DPP6: variants seen among roughly 807,000 people sequenced by gnomAD.
DPP6 encodes the protein dipeptidyl peptidase like 6, also known as A-type potassium channel modulatory protein DPP6.
A neutral mutation model predicts 122.6 loss-of-function variants in DPP6; 69 were observed. That is an observed-to-expected ratio of 0.56 (90% CI 0.46 to 0.69). The LOEUF is 0.69. DPP6 is among the 30% of genes least tolerant of loss of function. The probability of loss-of-function intolerance (pLI) is 0.00; values close to 1 mark genes in which losing one functional copy is unlikely to be tolerated. For missense variants in DPP6, 928 were observed against 1,116.9 expected (o/e 0.83, Z 2.41); for synonymous variants, 418 against 433.1 (o/e 0.97, Z 0.43).
chr7:154,372,563 T>G (rs1191276948), intron 1 of DPP6, among the ~76,000 whole-genome samples: 1 of 152,188 alleles, frequency 6.6e-6, no homozygotes, highest in Non-Finnish European at 1.5e-5. Flanking sequence ...AGATATGAAG[T>G]CAAGATACTG....
At chr7:153,789,747 C>A in the DPP6 span, among the ~76,000 whole-genome samples, 2 of 152,148 alleles carry the variant, frequency 1.3e-5, no homozygotes, top group Non-Finnish European at 2.9e-5. Context: ...GGAACTGGGA[C>A]TTTTACCACT....
rs577874845 is a variant in DPP6 at position 154,821,512 on chromosome 7, C to T, written c.1666+14400C>T. 7.8e-4 allele frequency among the ~76,000 whole-genome samples: 118 copies of T among 151,732 alleles called. 1 individual carries two copies. The highest frequency in any genetic ancestry group is 2.7e-3 in the African/African-American group (111 of 41,390). ...CTGCATACAATCTGGCCACATCCTA[C>T]TTATCCAGCCTCGTAATGACACTAC... On this transcript the variant is annotated intron_variant, in intron 16 of 25. Coordinates refer to ENST00000377770, the MANE Select transcript of DPP6 (RefSeq NM_130797.4). This position sits in a 1 kb window ranked among gnomAD's most constrained non-coding sequence, Gnocchi z 4.2.
Position 154,052,644 on chromosome 7 carries a change from C to T in DPP6, c.-177C>T, listed in dbSNP as rs1323595778. 2.1e-5 allele frequency: 27 copies of T among 1,261,700 alleles called. No homozygotes were observed. The South Asian group carries it at 3.7e-4, about 18-fold the overall frequency. The allele number at this position is 1,261,700 out of a possible 1,614,324, so 78.2% of individuals were successfully genotyped here. On this transcript the variant is annotated 5_prime_UTR_variant, in exon 1 of 26. Transcript: ENST00000377770. The surrounding 1 kb of genome is among the most constrained non-coding windows in gnomAD (Gnocchi z 4.8). ...AGGCAGAGTCGCCAGCGGAGACTCG[C>T]GAGTGGCGCGCGGGAGGAGCGGCCG...
rs528086110 is a variant in DPP6, at chr7:154,766,464, G to A, written c.884-2953G>A. On this transcript the variant is annotated intron_variant, in intron 8 of 25. Transcript: ENST00000377770. Reference sequence around the variant, plus strand: ...CGAGTAGCTGGGATTACAGGTGTGCGCCCAGCTAATTTTTGTATTTTTAGT... The same window carrying A: ...CGAGTAGCTGGGATTACAGGTGTGCACCCAGCTAATTTTTGTATTTTTAGT... 2.8e-4 allele frequency among the ~76,000 whole-genome samples: 43 copies of A among 152,122 alleles called. No homozygotes were observed. The South Asian group carries it at 7.9e-3, about 28-fold the overall frequency.
At chr7:154,516,236 A>T (rs1488631040) in intron 3 of DPP6, among the ~76,000 whole-genome samples, 1 of 149,132 alleles carries the variant, frequency 6.7e-6, no homozygotes, top group South Asian at 2.1e-4. Flanking sequence ...GACCAGAAGG[A>T]CTTCCTCAAT....
chr7:154,419,897 C>G (rs983781794), intron 1 of DPP6, among the ~76,000 whole-genome samples: 1 of 152,116 alleles, frequency 6.6e-6, no homozygotes, highest in Non-Finnish European at 1.5e-5. Flanking sequence ...ACCCCCATGC[C>G]CATCTGCAGC....
chr7:154,582,488 G>C (rs1189736414), intron 5 of DPP6, among the ~76,000 whole-genome samples: 1 of 152,164 alleles, frequency 6.6e-6, no homozygotes, highest in South Asian at 2.1e-4. Context: ...GAGCTGAGTG[G>C]ACAGAGGAGG....
chr7:154,473,934 T>C (rs1212017216), intron 2 of DPP6, among the ~76,000 whole-genome samples: 2 of 152,088 alleles, frequency 1.3e-5, no homozygotes, highest in Admixed American at 6.5e-5. Flanking sequence ...ATGAGAAAAC[T>C]GGGAGTCTTT....
At chr7:153,859,530 A>G in the DPP6 span, among the ~76,000 whole-genome samples, 1 of 152,172 alleles carries the variant, frequency 6.6e-6, no homozygotes, top group Non-Finnish European at 1.5e-5. Context: ...CAGAACCTCT[A>G]AGACAACCAA....
the DPP6 span, among the ~76,000 whole-genome samples, chr7:153,869,693 A>T: frequency 1.3e-5 from 2 of 152,168 alleles, no homozygotes; most frequent in East Asian, 3.9e-4. Context: ...TCCTGTCATT[A>T]TGATGTTAGC....
intron 4 of DPP6, among the ~76,000 whole-genome samples, chr7:154,555,596 C>T (rs1044528912): frequency 6.6e-6 from 1 of 151,520 alleles, no homozygotes; most frequent in Non-Finnish European, 1.5e-5. Context: ...CGCACATGTA[C>T]CCTAAAACTT....
chr7:154,760,053 G>T lies in DPP6; in HGVS notation c.884-9364G>T, dbSNP rs1350284083. On this transcript the variant is annotated intron_variant, in intron 8 of 25. Transcript: ENST00000377770. This position sits in a 1 kb window ranked among gnomAD's most constrained non-coding sequence, Gnocchi z 4.5. ...CAGAAGAATCACTTGAACCCAGCAG[G>T]CAGAGGTTGCAGTGAGCAGAAATCA... is the stretch of plus-strand genomic sequence containing the variant. Among the ~76,000 whole-genome samples the T allele has an allele frequency of 6.6e-6, 1 of 152,212 alleles. No individual in the cohort carries two copies. The highest frequency in any genetic ancestry group is 1.5e-5 in the Non-Finnish European group (1 of 68,032).
intron 7 of DPP6, among the ~76,000 whole-genome samples, chr7:154,727,394 A>G (rs907382575): frequency 3.9e-5 from 6 of 152,244 alleles, no homozygotes; most frequent in Admixed American, 3.3e-4. Flanking sequence ...ATCTAGCCCC[A>G]TGATCCAGTC....
intron 4 of DPP6, among the ~76,000 whole-genome samples, chr7:154,566,621 G>T (rs924332411): frequency 2.0e-5 from 3 of 151,664 alleles, no homozygotes; most frequent in African/African-American, 7.3e-5. Context: ...GCTTGTCTCA[G>T]TAAGTCCAAT....
At chr7:154,148,269 C>T (rs145657535) in intron 1 of DPP6, among the ~76,000 whole-genome samples, 2,280 of 117,562 alleles carry the variant, frequency 0.019, 105 homozygotes, top group African/African-American at 0.065. Context: ...AGCAACCGCC[C>T]GGGGACGGTG....
chr7:154,066,193 G>A (rs1802713382), intron 1 of DPP6, among the ~76,000 whole-genome samples: 1 of 151,916 alleles, frequency 6.6e-6, no homozygotes, highest in Non-Finnish European at 1.5e-5. Flanking sequence ...CTGAGTAGCT[G>A]GGATTACAGG....
chr7:154,639,322 A>G (rs1835917937), intron 6 of DPP6, among the ~76,000 whole-genome samples: 1 of 152,248 alleles, frequency 6.6e-6, no homozygotes, highest in Non-Finnish European at 1.5e-5. Context: ...CAAATTTTTC[A>G]TTAAAAGTAT....
chr7:154,503,711 T>A (rs1825437558), intron 3 of DPP6, among the ~76,000 whole-genome samples: 1 of 152,188 alleles, frequency 6.6e-6, no homozygotes, highest in East Asian at 1.9e-4. Flanking sequence ...GTTCCACAGA[T>A]GTTTGATTTT....
At chr7:154,736,799 C>T (rs1437251870) in intron 8 of DPP6, among the ~76,000 whole-genome samples, 1 of 152,204 alleles carries the variant, frequency 6.6e-6, no homozygotes, top group Non-Finnish European at 1.5e-5. Flanking sequence ...TCAGAAAATA[C>T]TTTTGAATGA....
Sources: allele counts gnomAD v4.1 joint callset (sites outside exome capture counted in the v4.1 genomes callset), GRCh38; gene constraint gnomAD v4.1.1; non-coding constraint Gnocchi (gnomAD v3.1); transcripts MANE v1.5; gene names NCBI Gene and HGNC (gene_info 2026-07-23, HGNC 2026-07-21).